Variants in NBEA observed in about 807,000 individuals in gnomAD.
NBEA encodes the protein lysosomal-trafficking regulator 2.
A neutral mutation model predicts 343.4 loss-of-function variants in NBEA; 44 were observed. The ratio of observed to expected loss-of-function variants is 0.13; its 90% CI spans 0.10 to 0.16. NBEA has a LOEUF of 0.16. NBEA is among the 10% of genes least tolerant of loss of function. NBEA has a pLI of 1.00. For missense variants in NBEA, 2,555 were observed against 3,631.3 expected, an observed-to-expected ratio of 0.70 and a Z score of 7.62; for synonymous variants, 1,175 against 1,238.7, an observed-to-expected ratio of 0.95 and a Z score of 1.08.
chr13:35,436,631 G>A (rs60874370), intron 39 of NBEA, among the ~76,000 whole-genome samples: 9,224 of 150,556 alleles, frequency 0.061, 392 homozygotes, highest in African/African-American at 0.12. Flanking sequence ...AATGGCATGA[G>A]CCCGGGAGAC....
rs1031433595 is a variant in NBEA at position 35,330,844 on chromosome 13, G to T, written c.5904-18264G>T. On this transcript the variant is annotated intron_variant, in intron 36 of 58. Transcript: ENST00000379939. Reference sequence around the variant, plus strand: ...CTCTAGTGTCTTATTTTTCCATCTTGTTCTACACAAATAGAAAGTCTCAAA... The same window carrying T: ...CTCTAGTGTCTTATTTTTCCATCTTTTTCTACACAAATAGAAAGTCTCAAA... Among the ~76,000 whole-genome samples, 4 of 151,978 alleles carry T rather than the reference G, an allele frequency of 2.6e-5. No individual in the cohort carries two copies. The South Asian group carries it at 8.3e-4, about 32-fold the overall frequency.
At chr13:35,035,686 G>C (rs2062413745) in intron 1 of NBEA, among the ~76,000 whole-genome samples, 1 of 151,858 alleles carries the variant, frequency 6.6e-6, no homozygotes, top group Admixed American at 6.6e-5. Flanking sequence ...ATATGTCTGG[G>C]TGCTCCAGTG....
At chr13:35,506,278 A>G (rs1196035012) in intron 41 of NBEA, among the ~76,000 whole-genome samples, 1 of 152,142 alleles carries the variant, frequency 6.6e-6, no homozygotes, top group Non-Finnish European at 1.5e-5. Flanking sequence ...TTTGTTGCCC[A>G]GGCTAGTCTT....
At chr13:35,176,644 G>T (rs2070922174) in intron 27 of NBEA, among the ~76,000 whole-genome samples, 1 of 151,944 alleles carries the variant, frequency 6.6e-6, no homozygotes, top group Non-Finnish European at 1.5e-5. Flanking sequence ...ATAAAAGCAT[G>T]ATGGATAAAT....
At chr13:35,646,542 A>G (rs2084241984) in intron 51 of NBEA, among the ~76,000 whole-genome samples, 194 bp downstream of exon 51, 1 of 152,254 alleles carries the variant, frequency 6.6e-6, no homozygotes, top group Admixed American at 6.5e-5. Flanking sequence ...AGTCCTACTT[A>G]AGCTGTCCCA....
intron 31 of NBEA, among the ~76,000 whole-genome samples, chr13:35,198,334 T>C (rs1296701587): frequency 1.3e-5 from 2 of 152,128 alleles, no homozygotes; most frequent in African/African-American, 4.8e-5. Flanking sequence ...AATTTTAAAT[T>C]ATATCTTTAA....
At chr13:35,073,692 G>A (rs766290159) in intron 10 of NBEA, among the ~76,000 whole-genome samples, 2 of 152,064 alleles carry the variant, frequency 1.3e-5, no homozygotes, top group Non-Finnish European at 2.9e-5. Context: ...TGTAATCCCA[G>A]CACCTTGGGA....
chr13:34,999,236 T>C (rs1352937688), intron 1 of NBEA, among the ~76,000 whole-genome samples: 1 of 152,196 alleles, frequency 6.6e-6, no homozygotes, highest in Non-Finnish European at 1.5e-5. Flanking sequence ...ATATGGGGAA[T>C]ATATGTGTGG....
In NBEA at chr13:35,346,064, A is replaced by G. The variant is rs74050704; in HGVS notation, c.5904-3044A>G. ...AGTGCCCAAGATAGGGGAACAGACTAAAAAACTGATACAATTTCTTTGGTG... is the reference window on the plus strand; with the variant it reads ...AGTGCCCAAGATAGGGGAACAGACTGAAAAACTGATACAATTTCTTTGGTG... On this transcript the variant is annotated intron_variant, in intron 36 of 58. Transcript: ENST00000379939. Among the ~76,000 whole-genome samples, 940 of 152,160 alleles carry G rather than the reference A, an allele frequency of 6.2e-3. 18 individuals are homozygous for G. The highest frequency in any genetic ancestry group is 0.021 in the African/African-American group (882 of 41,532).
intron 18 of NBEA, among the ~76,000 whole-genome samples, chr13:35,145,867 G>A (rs1566360365): frequency 6.6e-6 from 1 of 152,118 alleles, no homozygotes. Flanking sequence ...TTTTTGGACA[G>A]GGAGGACAGG....
At chr13:35,218,356 C>T (rs1275046181) in intron 33 of NBEA, among the ~76,000 whole-genome samples, 1 of 151,918 alleles carries the variant, frequency 6.6e-6, no homozygotes. Context: ...ACAGAATATC[C>T]TGAAATGTTA....
intron 33 of NBEA, among the ~76,000 whole-genome samples, chr13:35,221,838 A>G (rs1282211267): frequency 6.6e-6 from 1 of 152,068 alleles, no homozygotes; most frequent in Non-Finnish European, 1.5e-5. Flanking sequence ...AGCTCCAAAA[A>G]TTTTGTTGAA....
intron 54 of NBEA, 137 bp downstream of exon 54, chr13:35,655,147 A>C (rs2084755964): frequency 1.5e-6 from 1 of 655,950 alleles, no homozygotes; most frequent in Non-Finnish European, 2.3e-6. Flanking sequence ...TTAAATGTTC[A>C]CATTGTAAGC....
At chr13:35,515,132 ATT>A (rs1254001991) in intron 41 of NBEA, among the ~76,000 whole-genome samples, 1 of 152,234 alleles carries the variant, frequency 6.6e-6, no homozygotes, top group Non-Finnish European at 1.5e-5. Flanking sequence ...GTAACATATT[ATT>A]AAGCAATTTC....
At chr13:35,094,217 A>G (rs1161398811) in intron 10 of NBEA, among the ~76,000 whole-genome samples, 1 of 152,048 alleles carries the variant, frequency 6.6e-6, no homozygotes, top group Non-Finnish European at 1.5e-5. Flanking sequence ...ATGCTCTTAA[A>G]TATCCATGAC....
At chr13:35,188,575 T>A (rs1382037274) in intron 30 of NBEA, among the ~76,000 whole-genome samples, 1 of 152,172 alleles carries the variant, frequency 6.6e-6, no homozygotes, top group Non-Finnish European at 1.5e-5. Context: ...AGTTTCTTTT[T>A]TTATGGGTGA....
chr13:35,022,614 A>G (rs539369170), intron 1 of NBEA, among the ~76,000 whole-genome samples: 33 of 152,244 alleles, frequency 2.2e-4, no homozygotes, highest in Non-Finnish European at 4.4e-4. Context: ...TGATGGGGGC[A>G]GATCTTAAAG....
intron 1 of NBEA, among the ~76,000 whole-genome samples, chr13:35,013,767 C>T (rs2061562414): frequency 6.6e-6 from 1 of 152,122 alleles, no homozygotes; most frequent in Non-Finnish European, 1.5e-5. Flanking sequence ...CTGTGCCCTG[C>T]CTAAACATGT....
At chr13:35,152,686 T>G (rs2068869845) in intron 18 of NBEA, among the ~76,000 whole-genome samples, 2 of 152,334 alleles carry the variant, frequency 1.3e-5, no homozygotes, top group South Asian at 4.1e-4. Context: ...GCATGTAAAG[T>G]TACCTCCATG....
Sources: allele counts gnomAD v4.1 joint callset (sites outside exome capture counted in the v4.1 genomes callset), GRCh38; gene constraint gnomAD v4.1.1; transcripts MANE v1.5; gene names NCBI Gene and HGNC (gene_info 2026-07-23, HGNC 2026-07-21).